SCUBE3: variants seen among roughly 807,000 people sequenced by gnomAD.
The protein encoded by SCUBE3 is signal peptide, CUB domain and EGF like domain containing 3, also known as signal peptide, CUB and EGF-like domain-containing protein 3.
A neutral mutation model predicts 116.8 loss-of-function variants in SCUBE3; 33 were observed. The ratio of observed to expected loss-of-function variants is 0.28; its 90% CI spans 0.21 to 0.38. The LOEUF is 0.38. SCUBE3 is among the 10% of genes least tolerant of loss of function. The probability of loss-of-function intolerance (pLI) is 1.00; values close to 1 mark genes in which losing one functional copy is unlikely to be tolerated. For synonymous variants in SCUBE3, 418 were observed against 496.9 expected (o/e 0.84, Z 2.11); for missense variants, 1,007 against 1,324.8 (o/e 0.76, Z 3.72).
At chr6:35,247,030 A>T (rs1027127138) in intron 21 of SCUBE3, among the ~76,000 whole-genome samples, 1 of 152,098 alleles carries the variant, frequency 6.6e-6, no homozygotes, top group Admixed American at 6.6e-5. Context: ...GCTTTCTCAG[A>T]ATCAATTTAT....
chr6:35,217,206 G>A (rs1417394981), intron 1 of SCUBE3, among the ~76,000 whole-genome samples: 2 of 111,088 alleles, frequency 1.8e-5, no homozygotes, highest in African/African-American at 6.1e-5. Flanking sequence ...CTTTTGGTAA[G>A]GGGGTGGGTG....
intron 3 of SCUBE3, among the ~76,000 whole-genome samples, chr6:35,230,561 G>A (rs150279891): frequency 6.6e-6 from 1 of 152,338 alleles, no homozygotes; most frequent in East Asian, 1.9e-4. Flanking sequence ...TAAGGGAGCA[G>A]ACAGAAGGAT....
chr6:35,238,160 C>T (rs531751575), intron 7 of SCUBE3, 142 bp downstream of exon 7: 141 of 531,338 alleles, frequency 2.7e-4, no homozygotes, highest in Admixed American at 5.0e-4. Flanking sequence ...AGGGTTGTCT[C>T]CTATCTGCCT....
At chr6:35,229,646 G>C (rs141637977) in intron 3 of SCUBE3, among the ~76,000 whole-genome samples, 1 of 152,144 alleles carries the variant, frequency 6.6e-6, no homozygotes, top group Non-Finnish European at 1.5e-5. Context: ...TCTCCTCACT[G>C]ATCTCCTTTG....
At chr6:35,247,134 C>G (rs1784372919) in intron 21 of SCUBE3, among the ~76,000 whole-genome samples, 1 of 152,042 alleles carries the variant, frequency 6.6e-6, no homozygotes, top group Admixed American at 6.6e-5. Flanking sequence ...AGAAAATCTT[C>G]CTTAAGAAAC....
intron 1 of SCUBE3, among the ~76,000 whole-genome samples, chr6:35,225,214 A>C (rs1354879536): frequency 1.3e-5 from 2 of 152,192 alleles, no homozygotes; most frequent in African/African-American, 4.8e-5. Context: ...ACAGCCTCTC[A>C]TGAGGAGGTA....
At chr6:35,234,687 A>G (rs903606300) in intron 6 of SCUBE3, among the ~76,000 whole-genome samples, 2 of 152,180 alleles carry the variant, frequency 1.3e-5, no homozygotes, top group African/African-American at 4.8e-5. Context: ...CCAGTCTCTC[A>G]AAAGAAATTG....
In SCUBE3 at chr6:35,239,067, T is replaced by C. The variant is rs1325268563; in HGVS notation, c.830-685T>C. On this transcript the variant is annotated intron_variant, in intron 7 of 21. Coordinates refer to ENST00000274938, the MANE Select transcript of SCUBE3 (RefSeq NM_152753.4). This position sits in a 1 kb window ranked among gnomAD's most constrained non-coding sequence, Gnocchi z 4.1. ...TGCCACCAGCTTGGGGAACTTGACC[T>C]CAGGAAGGAAGCCATTCACCAGCCC... 6.6e-6 allele frequency among the ~76,000 whole-genome samples: 1 copy of C among 152,064 alleles called. No homozygotes were observed.
At position 35,240,408 on chromosome 6, in the gene SCUBE3, C is replaced by T. The variant is rs1168841917; in HGVS notation, c.987C>T (p.Asp329=). Residue 329 remains aspartate, a synonymous_variant, in exon 9 of 22, where the codon GAC becomes GAT. Coordinates refer to ENST00000274938, the MANE Select transcript of SCUBE3 (RefSeq NM_152753.4). The surrounding 1 kb of genome is among the most constrained non-coding windows in gnomAD (Gnocchi z 4.6). The part of the protein sequence containing the change: ...IDECSFDRTC[D]HICVNTPGSF... ...AGTGTTCCTTTGATCGAACCTGTGA[C>T]CACATATGTGTCAACACACCAGGAA... 2 of 1,607,908 alleles carry T rather than the reference C, an allele frequency of 1.2e-6. No homozygotes were observed. Among genetic ancestry groups the T allele is most frequent in the African/African-American group, 2.7e-5 (2 of 74,668 alleles).
Position 35,248,544 on chromosome 6 carries a change from C to G in SCUBE3, c.2833-12C>G, listed in dbSNP as rs971909280. On this transcript the variant is annotated splice_polypyrimidine_tract_variant and intron_variant, in intron 21 of 21. Transcript: ENST00000274938. ...CGGTGAGGCTGACATTGCTCCCTGCCATCCTTTGCAGGACAAGAAGCTCAT... is the reference window on the plus strand; with the variant it reads ...CGGTGAGGCTGACATTGCTCCCTGCGATCCTTTGCAGGACAAGAAGCTCAT... 3.1e-6 allele frequency: 5 copies of G among 1,613,606 alleles called. No homozygotes were observed. Among genetic ancestry groups the G allele is most frequent in the Admixed American group, 3.3e-5 (2 of 59,980 alleles).
Position 35,241,683 on chromosome 6 carries a change from G to A in SCUBE3, c.1312+24G>A, listed in dbSNP as rs778634307. 1.3e-6 allele frequency: 2 copies of A among 1,561,364 alleles called. No homozygotes were observed. The highest frequency in any genetic ancestry group is 1.4e-5 in the African/African-American group (1 of 73,974). ...AGGTACATGGGAGGAGGGTGCTGGA[G>A]AGCTTTGGAGGAGAAAAGAGGAAGG... On this transcript the variant is annotated intron_variant, in intron 11 of 21. Coordinates refer to ENST00000274938, the MANE Select transcript of SCUBE3 (RefSeq NM_152753.4). This position sits in a 1 kb window ranked among gnomAD's most constrained non-coding sequence, Gnocchi z 4.1.
At position 35,217,222 on chromosome 6, in the gene SCUBE3, C is replaced by CGGGGGGGGGGGGGGGGGGGGG. The variant is rs1260285538; in HGVS notation, c.85+2733_85+2734insGGGGGGGGGGGGGGGGGGGGG. Reference sequence around the variant, plus strand: ...TTTTGGTAAGGGGGTGGGTGTTTGGCGGGGGGGGGGGGGGCGGGGGGGAGG... The same window carrying CGGGGGGGGGGGGGGGGGGGGG: ...TTTTGGTAAGGGGGTGGGTGTTTGGCGGGGGGGGGGGGGGGGGGGGGGGGGGGGGGGGGGGCGGGGGGGAGG... On this transcript the variant is annotated intron_variant, in intron 1 of 21. Transcript: ENST00000274938. 3.7e-3 allele frequency among the ~76,000 whole-genome samples: 4 copies of CGGGGGGGGGGGGGGGGGGGGG among 1,070 alleles called. 2 individuals are homozygous for CGGGGGGGGGGGGGGGGGGGGG. The highest frequency in any genetic ancestry group is 0.021 in the Admixed American group (2 of 96). 0.7% of individuals were successfully genotyped at this position (1,070 alleles called of 152,430 possible). A position where few individuals can be genotyped will look rare whatever the true frequency, so the allele number is the denominator to read the frequency against.
chr6:35,243,047 C>G lies in SCUBE3; in HGVS notation c.1720C>G (p.Gln574Glu). 1 of 1,614,164 alleles carries G rather than the reference C, an allele frequency of 6.2e-7. No homozygotes were observed. The highest frequency in any genetic ancestry group is 8.5e-7 in the Non-Finnish European group (1 of 1,180,044). ...CAGCTGTGGGCTGCCCTGCCTCCGA[C>G]AGCGAATGGAACGGCGGCTGAAAGG... Reference protein sequence around the residue: ...TASCGLPCLRQRMERRLKGSL... With the variant: ...TASCGLPCLRERMERRLKGSL... The change falls in exon 15 of 22, where the codon CAG (glutamine) becomes GAG (glutamate). Residue 574 changes from glutamine to glutamate, a missense_variant. Gln to Glu is a conservative substitution (Grantham distance 29, BLOSUM62 2). Around this residue, in one of 5 missense-constraint regions of SCUBE3, gnomAD observed 544 missense variants for 638.9 expected, o/e 0.85. Coordinates refer to ENST00000274938, the MANE Select transcript of SCUBE3 (RefSeq NM_152753.4). This position sits in a 1 kb window ranked among gnomAD's most constrained non-coding sequence, Gnocchi z 6.6.
Position 35,228,704 on chromosome 6 carries a change from G to T in SCUBE3, c.299G>T (p.Gly100Val), listed in dbSNP as rs200236205. 22 of 1,613,976 alleles carry T rather than the reference G, an allele frequency of 1.4e-5. No individual in the cohort carries two copies. Among genetic ancestry groups the T allele is most frequent in the Non-Finnish European group, 1.9e-5 (22 of 1,179,952 alleles). ...PGNYRCTCYD[G>V]FHLAHDGHNC... is the part of the protein sequence containing the mutation. ...AATTACCGGTGTACCTGCTATGATG[G>T]ATTCCACCTGGCACATGACGGACAC... Residue 100 changes from glycine (G) to valine (V), a missense_variant, in exon 3 of 22, where the codon GGA becomes GTA. Physicochemically the swap from Gly to Val is moderately radical, Grantham distance 109. This residue lies in a region of SCUBE3 where 37 missense variants were observed against 80.6 expected (regional missense o/e 0.46). Transcript: ENST00000274938. The surrounding 1 kb of genome is among the most constrained non-coding windows in gnomAD (Gnocchi z 4.9).
At position 35,228,409 on chromosome 6, in the gene SCUBE3, T is replaced by C. The variant is rs1049636023; in HGVS notation, c.209-205T>C. 6.6e-6 allele frequency among the ~76,000 whole-genome samples: 1 copy of C among 152,162 alleles called. No homozygotes were observed. Among genetic ancestry groups the C allele is most frequent in the Non-Finnish European group, 1.5e-5 (1 of 68,042 alleles). On this transcript the variant is annotated intron_variant, in intron 2 of 21. Transcript: ENST00000274938. This position sits in a 1 kb window ranked among gnomAD's most constrained non-coding sequence, Gnocchi z 4.9. ...AGAGAAAAAAATAGAAAAATAATAT[T>C]CTGCAACCATGTACAATGGTAATTA...
intron 1 of SCUBE3, among the ~76,000 whole-genome samples, chr6:35,215,825 C>T (rs370423170): frequency 6.6e-6 from 1 of 152,134 alleles, no homozygotes; most frequent in Non-Finnish European, 1.5e-5. Context: ...AATACTGGAC[C>T]CTGCCCCCAC....
At chr6:35,236,584 T>C (rs1362895981) in intron 6 of SCUBE3, among the ~76,000 whole-genome samples, 1 of 152,186 alleles carries the variant, frequency 6.6e-6, no homozygotes, top group East Asian at 1.9e-4. Context: ...GTTGGGCTGT[T>C]CCACACATGG....
At position 35,241,948 on chromosome 6, in the gene SCUBE3, C is replaced by T; in HGVS notation, c.1417+38C>T. On this transcript the variant is annotated intron_variant, in intron 12 of 21. Coordinates refer to ENST00000274938, the MANE Select transcript of SCUBE3 (RefSeq NM_152753.4). This position sits in a 1 kb window ranked among gnomAD's most constrained non-coding sequence, Gnocchi z 4.1. ...CCAGAAGCCCTGTTCCCACCCTACTCTCTTACATTAATCCCTTATTTTTGT... is the reference window on the plus strand; with the variant it reads ...CCAGAAGCCCTGTTCCCACCCTACTTTCTTACATTAATCCCTTATTTTTGT... 7.4e-7 allele frequency: 1 copy of T among 1,346,036 alleles called. No individual in the cohort carries two copies. The highest frequency in any genetic ancestry group is 1.1e-6 in the Non-Finnish European group (1 of 943,724). The allele number at this position is 1,346,036 out of a possible 1,614,324, so 83.4% of individuals were successfully genotyped here. A position where few individuals can be genotyped will look rare whatever the true frequency, so the allele number is the denominator to read the frequency against.
Position 35,235,454 on chromosome 6 carries a change from C to T in SCUBE3, c.712+2153C>T, listed in dbSNP as rs745882491. ...TTTACAATGTCAAACAGGGGAAAGGCGGCTAGAGCAGCACATCCCCACTCA... is the reference window on the plus strand; with the variant it reads ...TTTACAATGTCAAACAGGGGAAAGGTGGCTAGAGCAGCACATCCCCACTCA... On this transcript the variant is annotated intron_variant, in intron 6 of 21. Transcript: ENST00000274938. This position sits in a 1 kb window ranked among gnomAD's most constrained non-coding sequence, Gnocchi z 4.5. 2.1e-4 allele frequency: 264 copies of T among 1,285,160 alleles called. No individual in the cohort carries two copies. Among genetic ancestry groups the T allele is most frequent in the Non-Finnish European group, 2.5e-4 (249 of 984,746 alleles). 79.6% of individuals were successfully genotyped at this position (1,285,160 alleles called of 1,614,324 possible).
Sources: allele counts gnomAD v4.1 joint callset (sites outside exome capture counted in the v4.1 genomes callset), GRCh38; gene constraint gnomAD v4.1.1; regional missense constraint gnomAD v4.1.1; non-coding constraint Gnocchi (gnomAD v3.1); transcripts MANE v1.5; gene names NCBI Gene and HGNC (gene_info 2026-07-23, HGNC 2026-07-21).